CSMD1: variants seen among roughly 807,000 people sequenced by gnomAD.
CSMD1 encodes the protein CUB and sushi domain-containing protein 1.
CSMD1 carries 213 observed loss-of-function variants against 417.5 expected under a neutral mutation model. That is an observed-to-expected ratio of 0.51 (90% CI 0.46 to 0.57). The LOEUF (loss-of-function observed/expected upper bound fraction) is 0.57. Among genes scored for constraint, CSMD1 ranks in the 20% least tolerant of loss-of-function variants. CSMD1 has a pLI of 0.00. For missense variants in CSMD1, 6,923 were observed against 4,529.7 expected (o/e 1.53, Z -15.17); for synonymous variants, 2,862 against 1,736.8 (o/e 1.65, Z -16.11).
intron 1 of CSMD1, among the ~76,000 whole-genome samples, chr8:4,739,749 T>C (rs1810479048): frequency 6.6e-6 from 1 of 152,150 alleles, no homozygotes; most frequent in South Asian, 2.1e-4. Flanking sequence ...TCCCTATCCC[T>C]TCCCACAAAG....
chr8:4,513,028 A>G (rs1303096841), intron 2 of CSMD1, among the ~76,000 whole-genome samples: 2 of 152,218 alleles, frequency 1.3e-5, no homozygotes, highest in Non-Finnish European at 2.9e-5. Context: ...CAGAGCACAG[A>G]TAATTAAACA....
At chr8:3,104,425 C>T (rs554335803) in intron 46 of CSMD1, among the ~76,000 whole-genome samples, 3 of 152,224 alleles carry the variant, frequency 2.0e-5, no homozygotes, top group African/African-American at 4.8e-5. Flanking sequence ...CCACAGCCTA[C>T]GGTCTGCTTA....
chr8:3,867,945 G>A (rs764646514), intron 5 of CSMD1, among the ~76,000 whole-genome samples: 2 of 152,010 alleles, frequency 1.3e-5, no homozygotes, highest in African/African-American at 4.8e-5. Context: ...GCCAATCTTT[G>A]TATGTCTTCT....
intron 3 of CSMD1, among the ~76,000 whole-genome samples, chr8:4,124,221 T>G (rs1163608359): frequency 6.6e-6 from 1 of 152,094 alleles, no homozygotes; most frequent in Non-Finnish European, 1.5e-5. Context: ...TCAGGGCTCC[T>G]GGGCAGGGGA....
At chr8:4,573,994 G>C (rs937560947) in intron 2 of CSMD1, among the ~76,000 whole-genome samples, 1 of 152,172 alleles carries the variant, frequency 6.6e-6, no homozygotes, top group Non-Finnish European at 1.5e-5. Context: ...AAGTCTCCCA[G>C]CTCGACTTCA....
rs56720024 is a variant in CSMD1, at chr8:3,889,492, T to TAA, written c.818+108409_818+108410dup. Among the ~76,000 whole-genome samples the TAA allele has an allele frequency of 9.5e-5, 6 of 63,206 alleles. No individual in the cohort carries two copies. The East Asian group carries it at 1.8e-3, about 19-fold the overall frequency. The allele number at this position is 63,206 out of a possible 152,430, so 41.5% of individuals were successfully genotyped here. ...ATATATATATATATATATATATATA[T>TAA]AAAATATGCTCATTAGGTCATGATA... On this transcript the variant is annotated intron_variant, in intron 5 of 69. Coordinates refer to ENST00000635120, the MANE Select transcript of CSMD1 (RefSeq NM_033225.6).
At chr8:4,145,433 A>T (rs1267054718) in intron 3 of CSMD1, among the ~76,000 whole-genome samples, 2 of 151,252 alleles carry the variant, frequency 1.3e-5, no homozygotes, top group African/African-American at 4.9e-5. Flanking sequence ...AAGTGACTTA[A>T]TCTACAGGTT....
At chr8:4,480,154 T>A (rs1453068607) in intron 2 of CSMD1, among the ~76,000 whole-genome samples, 1 of 150,014 alleles carries the variant, frequency 6.7e-6, no homozygotes, top group Non-Finnish European at 1.5e-5. Context: ...TTCTACTATT[T>A]TCCTAATACC....
chr8:4,975,811 T>A (rs1810525094), intron 1 of CSMD1, among the ~76,000 whole-genome samples: 1 of 108,094 alleles, frequency 9.3e-6, no homozygotes, highest in Non-Finnish European at 2.0e-5. Flanking sequence ...GTGTATGCAT[T>A]TTTTTTGCAA....
chr8:4,568,164 G>A (rs1362991423), intron 2 of CSMD1, among the ~76,000 whole-genome samples: 1 of 151,674 alleles, frequency 6.6e-6, no homozygotes, highest in Non-Finnish European at 1.5e-5. Flanking sequence ...AAATATATAA[G>A]TTATGGGATA....
intron 1 of CSMD1, among the ~76,000 whole-genome samples, chr8:4,945,714 A>C (rs1808319512): frequency 6.6e-6 from 1 of 152,170 alleles, no homozygotes; most frequent in Non-Finnish European, 1.5e-5. Context: ...GAGAAAACTA[A>C]TTACAGCTTT....
At chr8:4,491,014 G>A (rs561026000) in intron 2 of CSMD1, among the ~76,000 whole-genome samples, 32 of 152,242 alleles carry the variant, frequency 2.1e-4, no homozygotes, top group Admixed American at 1.5e-3. Flanking sequence ...TGAGGCTAGG[G>A]ACATGTAGGC....
At chr8:4,066,008 G>A (rs957474533) in intron 3 of CSMD1, among the ~76,000 whole-genome samples, 4 of 152,282 alleles carry the variant, frequency 2.6e-5, no homozygotes, top group South Asian at 2.1e-4. Flanking sequence ...CCTTCTCCAC[G>A]AATATCCTTG....
intron 3 of CSMD1, among the ~76,000 whole-genome samples, chr8:4,036,156 T>C (rs1021281222): frequency 2.0e-5 from 3 of 152,132 alleles, no homozygotes; most frequent in African/African-American, 7.2e-5. Flanking sequence ...GCCGCAAAAC[T>C]TGGGTTTGTG....
intron 6 of CSMD1, among the ~76,000 whole-genome samples, chr8:3,747,013 A>C (rs546110281): frequency 2.6e-5 from 4 of 152,334 alleles, no homozygotes; most frequent in African/African-American, 9.6e-5. Flanking sequence ...TTCATTAGGA[A>C]TTTTATTTCA....
At chr8:4,318,544 C>G (rs538474266) in intron 3 of CSMD1, among the ~76,000 whole-genome samples, 1 of 151,928 alleles carries the variant, frequency 6.6e-6, no homozygotes. Flanking sequence ...AATAAAGTTA[C>G]GTTAACAAGA....
intron 3 of CSMD1, among the ~76,000 whole-genome samples, chr8:4,364,020 G>C (rs539644232): frequency 6.6e-6 from 1 of 152,210 alleles, no homozygotes; most frequent in East Asian, 1.9e-4. Flanking sequence ...TAATTTAATT[G>C]TACTTATTTC....
At chr8:3,567,812 G>A (rs368907740) in intron 10 of CSMD1, among the ~76,000 whole-genome samples, 3 of 152,108 alleles carry the variant, frequency 2.0e-5, no homozygotes, top group African/African-American at 7.2e-5. Context: ...ATCCTCTGCA[G>A]ATCCGTCACT....
intron 1 of CSMD1, among the ~76,000 whole-genome samples, chr8:4,875,287 T>G (rs983046649): frequency 6.6e-6 from 1 of 152,058 alleles, no homozygotes; most frequent in Non-Finnish European, 1.5e-5. Context: ...ACAAGCTCAC[T>G]GATTCTCAGT....
Sources: allele counts gnomAD v4.1 joint callset (sites outside exome capture counted in the v4.1 genomes callset), GRCh38; gene constraint gnomAD v4.1.1; transcripts MANE v1.5; gene names NCBI Gene and HGNC (gene_info 2026-07-23, HGNC 2026-07-21).